Variants in VTI1A observed in about 807,000 individuals in gnomAD.
VTI1A encodes vesicle transport through interaction with t-SNAREs 1A, also known as vesicle transport through interaction with t-SNAREs homolog 1A.
Under a neutral mutation model 34.9 loss-of-function variants are expected in VTI1A, and 22 were observed. The ratio of observed to expected loss-of-function variants is 0.63; its 90% CI spans 0.45 to 0.90. The LOEUF (loss-of-function observed/expected upper bound fraction) is 0.90, where lower values mean the gene tolerates loss of function less well. Among genes scored for constraint, VTI1A ranks in the 40% least tolerant of loss-of-function variants. The probability of loss-of-function intolerance (pLI) is 0.00; values close to 1 mark genes in which losing one functional copy is unlikely to be tolerated. For missense variants in VTI1A, 268 were observed against 275.6 expected, an observed-to-expected ratio of 0.97 and a Z score of 0.20; for synonymous variants, 87 against 97.3, an observed-to-expected ratio of 0.89 and a Z score of 0.62.
chr10:112,618,520 T>TAGAGAGAGAGAGAGAGAGAGAGAGAGAG (rs1249234028), intron 5 of VTI1A, among the ~76,000 whole-genome samples: 4 of 46,184 alleles, frequency 8.7e-5, no homozygotes, highest in African/African-American at 1.1e-4. Context: ...TATATATATA[T>TAGAGAGAGAGAGAGAGAGAGAGAGAGAG]ATATAGAGAG....
chr10:112,624,440 T>G (rs1845844006), intron 5 of VTI1A, among the ~76,000 whole-genome samples: 1 of 152,178 alleles, frequency 6.6e-6, no homozygotes, highest in African/African-American at 2.4e-5. Flanking sequence ...TAATATACAT[T>G]TTCATTTTTT....
In VTI1A at chr10:112,524,845, T is replaced by C. The variant is rs537681206; in HGVS notation, c.265-2242T>C. On this transcript the variant is annotated intron_variant, in intron 3 of 7. Transcript: ENST00000393077. ...TGAATAATTAAAAAGGCAGCTCTGA[T>C]ACCACAGCCTGTTTAAAGGTTCTCA... is the stretch of plus-strand genomic sequence containing the variant. 7.2e-5 allele frequency among the ~76,000 whole-genome samples: 11 copies of C among 152,312 alleles called. No homozygotes were observed. The South Asian group carries it at 1.9e-3, about 26-fold the overall frequency.
chr10:112,666,435 A>T (rs1342061016), intron 5 of VTI1A, among the ~76,000 whole-genome samples: 3 of 152,080 alleles, frequency 2.0e-5, no homozygotes, highest in African/African-American at 7.2e-5. Flanking sequence ...CTTGTCTGTA[A>T]CTCTTCTGTA....
chr10:112,745,336 T>C (rs1224981219), intron 7 of VTI1A, among the ~76,000 whole-genome samples: 1 of 152,180 alleles, frequency 6.6e-6, no homozygotes, highest in Non-Finnish European at 1.5e-5. Context: ...AATGAACATA[T>C]CTCTCACTTT....
At chr10:112,490,883 T>C (rs949305085) in intron 3 of VTI1A, among the ~76,000 whole-genome samples, 14 of 152,176 alleles carry the variant, frequency 9.2e-5, no homozygotes, top group African/African-American at 3.4e-4. Flanking sequence ...GCTATGCATA[T>C]AGCATTGAGA....
intron 5 of VTI1A, among the ~76,000 whole-genome samples, chr10:112,626,102 T>C (rs945769221): frequency 6.6e-6 from 1 of 152,188 alleles, no homozygotes; most frequent in Non-Finnish European, 1.5e-5. Flanking sequence ...GCAGTAGTTA[T>C]GTGGACGCAT....
chr10:112,548,978 C>G, intron 5 of VTI1A: 1 of 637,186 alleles, frequency 1.6e-6, no homozygotes, highest in Non-Finnish European at 2.7e-6. Context: ...TCTTCTTCTC[C>G]TTCCCTGCCC....
intron 5 of VTI1A, among the ~76,000 whole-genome samples, chr10:112,611,422 C>T (rs965442189): frequency 6.6e-6 from 1 of 152,126 alleles, no homozygotes; most frequent in African/African-American, 2.4e-5. Flanking sequence ...TACGGCAGTT[C>T]CTTAAAAGCT....
At chr10:112,625,405 G>A (rs1046302166) in intron 5 of VTI1A, among the ~76,000 whole-genome samples, 1 of 152,116 alleles carries the variant, frequency 6.6e-6, no homozygotes, top group Non-Finnish European at 1.5e-5. Flanking sequence ...TTGGGAGGCC[G>A]AGGCAGGTGG....
chr10:112,836,229 G>C, the VTI1A span, among the ~76,000 whole-genome samples: 3 of 152,110 alleles, frequency 2.0e-5, no homozygotes, highest in African/African-American at 4.8e-5. Context: ...GGAAGTGCTG[G>C]GGGGTGCAAG....
rs10545562 is a variant in VTI1A, at chr10:112,634,514, TACACACACACACACAC to T, written c.428-33685_428-33670del. Among the ~76,000 whole-genome samples the T allele has an allele frequency of 1.1e-3, 160 of 144,322 alleles. 1 individual carries two copies. The highest frequency in any genetic ancestry group is 4.0e-3 in the African/African-American group (153 of 38,364). 94.7% of individuals were successfully genotyped at this position (144,322 alleles called of 152,430 possible). A position where few individuals can be genotyped will look rare whatever the true frequency, so the allele number is the denominator to read the frequency against. Reference sequence around the variant, plus strand: ...ACACACACACAGACACACACACACATACACACACACACACACACACACACACACACACACGAATTTC... The same window carrying T: ...ACACACACACAGACACACACACACATACACACACACACACACACGAATTTC... On this transcript the variant is annotated intron_variant, in intron 5 of 7. Coordinates refer to ENST00000393077, the MANE Select transcript of VTI1A (RefSeq NM_145206.4).
At chr10:112,671,118 AG>A (rs1315948479) in intron 7 of VTI1A, among the ~76,000 whole-genome samples, 1 of 152,176 alleles carries the variant, frequency 6.6e-6, no homozygotes, top group Non-Finnish European at 1.5e-5. Context: ...CTCATGGAAA[AG>A]CTCTCTCTAG....
chr10:112,656,224 T>G (rs2133811606), intron 5 of VTI1A, among the ~76,000 whole-genome samples: 1 of 152,272 alleles, frequency 6.6e-6, no homozygotes. Flanking sequence ...GCACTGTGAT[T>G]GATTGACAAT....
chr10:112,553,584 C>T (rs1364214596), intron 5 of VTI1A, among the ~76,000 whole-genome samples: 2 of 152,232 alleles, frequency 1.3e-5, no homozygotes, highest in African/African-American at 4.8e-5. Flanking sequence ...AGTGGGCAGA[C>T]AGCCCTTTCA....
chr10:112,695,801 C>T (rs527996097), intron 7 of VTI1A, among the ~76,000 whole-genome samples: 103 of 152,288 alleles, frequency 6.8e-4, no homozygotes, highest in African/African-American at 2.2e-3. Context: ...CTTCAGGAGG[C>T]TTTTTACGCC....
chr10:112,752,942 C>G (rs569981228), intron 7 of VTI1A, among the ~76,000 whole-genome samples: 2 of 151,936 alleles, frequency 1.3e-5, no homozygotes, highest in African/African-American at 4.8e-5. Context: ...TTGTGGACTC[C>G]GAAGCTACAT....
intron 5 of VTI1A, among the ~76,000 whole-genome samples, chr10:112,541,745 C>T (rs1366344355): frequency 6.6e-6 from 1 of 152,180 alleles, no homozygotes; most frequent in Non-Finnish European, 1.5e-5. Context: ...AGCAGAGGGA[C>T]ACATGTCCAT....
chr10:112,728,367 A>G (rs1850121944), intron 7 of VTI1A, among the ~76,000 whole-genome samples: 1 of 152,234 alleles, frequency 6.6e-6, no homozygotes, highest in Admixed American at 6.5e-5. Context: ...AATTTTGTGG[A>G]AATAACTTTG....
At chr10:112,821,201 C>T (rs1009216035), downstream of VTI1A, among the ~76,000 whole-genome samples, 3 of 152,220 alleles carry the variant, frequency 2.0e-5, no homozygotes, top group Non-Finnish European at 2.9e-5. Flanking sequence ...AAACAAGGCC[C>T]TTTGGCGTGA....
Sources: gnomAD v4.1 joint callset for allele counts (sites outside exome capture counted in the v4.1 genomes callset) on GRCh38, gnomAD v4.1.1 for gene constraint, MANE v1.5 for transcripts, NCBI Gene and HGNC (gene_info 2026-07-23, HGNC 2026-07-21) for gene names.